Variants in PDE4B observed in about 807,000 individuals in gnomAD.
PDE4B encodes phosphodiesterase 4B.
Under a neutral mutation model 82.2 loss-of-function variants are expected in PDE4B, and 20 were observed. The observed-to-expected ratio is 0.24, with a 90% CI of 0.17 to 0.35. The LOEUF (loss-of-function observed/expected upper bound fraction) is 0.35. Ranked by LOEUF, PDE4B falls within the 10% of genes least tolerant of loss-of-function variation. The pLI is 1.00. For missense variants in PDE4B, 655 were observed against 907.2 expected (o/e 0.72, Z 3.57); for synonymous variants, 320 against 318.9 (o/e 1.00, Z -0.04).
chr1:65,864,603 T>C (rs1388284423), intron 1 of PDE4B, among the ~76,000 whole-genome samples: 2 of 152,198 alleles, frequency 1.3e-5, no homozygotes, highest in African/African-American at 4.8e-5. Context: ...TTAGTTTTTC[T>C]TCTAACAGTC....
chr1:65,996,930 C>G (rs1387646786), intron 3 of PDE4B, among the ~76,000 whole-genome samples: 1 of 152,192 alleles, frequency 6.6e-6, no homozygotes, highest in African/African-American at 2.4e-5. Flanking sequence ...TCAGGGATGA[C>G]AACTTATGAA....
At chr1:66,120,475 C>T (rs898403250) in intron 3 of PDE4B, among the ~76,000 whole-genome samples, 16 of 152,154 alleles carry the variant, frequency 1.1e-4, no homozygotes, top group Admixed American at 9.8e-4. Context: ...ATCATATCTC[C>T]TGAAAGTTTC....
At chr1:65,987,480 G>A (rs2186120) in intron 3 of PDE4B, among the ~76,000 whole-genome samples, 58,379 of 152,124 alleles carry the variant, frequency 0.38, 13,992 homozygotes, top group Non-Finnish European at 0.53. Flanking sequence ...TGTCCCATAA[G>A]GTATCCTCTG....
chr1:65,820,297 A>G (rs1025158611), intron 1 of PDE4B, among the ~76,000 whole-genome samples: 22 of 152,384 alleles, frequency 1.4e-4, no homozygotes, highest in Non-Finnish European at 2.8e-4. Flanking sequence ...GAATAACCAC[A>G]TTAATCTCAT....
chr1:66,241,068 AG>A (rs1312577141), intron 3 of PDE4B, among the ~76,000 whole-genome samples: 2 of 152,266 alleles, frequency 1.3e-5, no homozygotes, highest in African/African-American at 4.8e-5. Flanking sequence ...CTGGAAGAAG[AG>A]AAAGCAATGG....
chr1:65,947,287 T>C (rs945670725), intron 3 of PDE4B, among the ~76,000 whole-genome samples: 1 of 152,042 alleles, frequency 6.6e-6, no homozygotes, highest in African/African-American at 2.4e-5. Context: ...AAAGAAAACA[T>C]TTGCCAGTTC....
At chr1:66,088,772 C>G (rs1644952640) in intron 3 of PDE4B, among the ~76,000 whole-genome samples, 1 of 152,078 alleles carries the variant, frequency 6.6e-6, no homozygotes, top group Admixed American at 6.6e-5. Flanking sequence ...CCCTCCTCTT[C>G]CCCCATCTCC....
intron 3 of PDE4B, among the ~76,000 whole-genome samples, chr1:66,003,307 A>G (rs1651966607): frequency 6.6e-6 from 1 of 151,462 alleles, no homozygotes; most frequent in South Asian, 2.1e-4. Context: ...TACATTCCCG[A>G]TAAGAAATTT....
At chr1:65,837,091 GTTTT>G (rs879623685) in intron 1 of PDE4B, among the ~76,000 whole-genome samples, 1 of 143,026 alleles carries the variant, frequency 7.0e-6, no homozygotes, top group African/African-American at 2.5e-5. Context: ...GCCAGCACCA[GTTTT>G]TTTTTTTTTA....
At chr1:65,919,997 A>G (rs1647208447) in intron 3 of PDE4B, among the ~76,000 whole-genome samples, 1 of 152,234 alleles carries the variant, frequency 6.6e-6, no homozygotes, top group African/African-American at 2.4e-5. Context: ...ACTGTCTTAC[A>G]TCTTCTGTTC....
chr1:66,112,269 G>T (rs780641557), intron 3 of PDE4B, among the ~76,000 whole-genome samples: 3 of 151,960 alleles, frequency 2.0e-5, no homozygotes, highest in African/African-American at 4.8e-5. Flanking sequence ...TAATGTTCTT[G>T]TATTGCTTGC....
intron 3 of PDE4B, among the ~76,000 whole-genome samples, chr1:65,919,753 T>C (rs555489865): frequency 6.6e-6 from 1 of 152,252 alleles, no homozygotes; most frequent in Admixed American, 6.5e-5. Flanking sequence ...TGTACAGAGC[T>C]CTGCCACATG....
At chr1:66,274,742 TA>T (rs1451603369) in intron 7 of PDE4B, among the ~76,000 whole-genome samples, 5 of 152,154 alleles carry the variant, frequency 3.3e-5, no homozygotes, top group Admixed American at 1.3e-4. Context: ...CCAGTGTTAG[TA>T]TTGGTGTTAT....
intron 7 of PDE4B, among the ~76,000 whole-genome samples, chr1:66,319,924 T>A (rs1659285245): frequency 6.6e-6 from 1 of 152,168 alleles, no homozygotes; most frequent in Non-Finnish European, 1.5e-5. Context: ...AATCTAACAT[T>A]AAAAACCTCT....
chr1:65,824,626 CAT>C (rs1241815381), intron 1 of PDE4B, among the ~76,000 whole-genome samples: 1 of 149,066 alleles, frequency 6.7e-6, no homozygotes. Context: ...TATATATACA[CAT>C]ATATATTTAT....
chr1:66,234,617 T>A (rs1278282331), intron 3 of PDE4B, among the ~76,000 whole-genome samples: 1 of 152,154 alleles, frequency 6.6e-6, no homozygotes, highest in Non-Finnish European at 1.5e-5. Context: ...GATTCTTTAT[T>A]ATTTTTATAG....
At chr1:66,226,951 G>C (rs1024759770) in intron 3 of PDE4B, among the ~76,000 whole-genome samples, 2 of 152,182 alleles carry the variant, frequency 1.3e-5, no homozygotes, top group African/African-American at 4.8e-5. Context: ...GAATTACAAG[G>C]ATAGGACAGA....
chr1:65,850,055 A>G (rs1646312745), intron 1 of PDE4B, among the ~76,000 whole-genome samples: 3 of 150,652 alleles, frequency 2.0e-5, no homozygotes, highest in Admixed American at 2.0e-4. Context: ...CCAGCAATAC[A>G]TGAGTGTTTC....
chr1:66,101,759 A>G (rs557482721), intron 3 of PDE4B, among the ~76,000 whole-genome samples: 2 of 152,122 alleles, frequency 1.3e-5, no homozygotes, highest in Non-Finnish European at 2.9e-5. Flanking sequence ...TAGATTGCAA[A>G]AATTTTCTCC....
Sources: allele counts gnomAD v4.1 joint callset (sites outside exome capture counted in the v4.1 genomes callset), GRCh38; gene constraint gnomAD v4.1.1; transcripts MANE v1.5; gene names NCBI Gene and HGNC (gene_info 2026-07-23, HGNC 2026-07-21).